Variants in CRPPA observed in about 807,000 individuals in gnomAD.
CRPPA encodes the protein D-ribitol-5-phosphate cytidylyltransferase.
A neutral mutation model predicts 52.0 loss-of-function variants in CRPPA; 43 were observed. The observed-to-expected ratio is 0.83, with a 90% CI of 0.65 to 1.07. The LOEUF is 1.07. Ranked by LOEUF, CRPPA falls within the 50% of genes least tolerant of loss-of-function variation. The pLI, the probability that CRPPA is intolerant of heterozygous loss-of-function variation, is 0.00. For synonymous variants in CRPPA, 250 were observed against 203.5 expected (o/e 1.23, Z -1.94); for missense variants, 629 against 551.7 (o/e 1.14, Z -1.40).
chr7:16,304,263 C>T (rs971777073), intron 4 of CRPPA, among the ~76,000 whole-genome samples: 3 of 152,002 alleles, frequency 2.0e-5, no homozygotes, highest in Non-Finnish European at 2.9e-5. Flanking sequence ...CAGTGCTTAT[C>T]GCCCTGGTGG....
chr7:16,229,589 T>A (rs12112931), intron 8 of CRPPA, among the ~76,000 whole-genome samples: 1 of 152,090 alleles, frequency 6.6e-6, no homozygotes, highest in African/African-American at 2.4e-5. Context: ...ATGTCACAAT[T>A]TTCATATTGC....
chr7:16,419,942 G>T (rs77175467), intron 1 of CRPPA, among the ~76,000 whole-genome samples: 4,654 of 152,258 alleles, frequency 0.031, 139 homozygotes, highest in African/African-American at 0.073. Context: ...AGCCGACTCT[G>T]CGTGAATTAC....
chr7:16,141,464 T>C (rs1782869021), intron 9 of CRPPA, among the ~76,000 whole-genome samples: 1 of 152,198 alleles, frequency 6.6e-6, no homozygotes, highest in African/African-American at 2.4e-5. Flanking sequence ...AATTTTGATT[T>C]AGTGTTCAAC....
chr7:16,254,609 G>A (rs562120833), intron 8 of CRPPA, among the ~76,000 whole-genome samples: 194 of 151,840 alleles, frequency 1.3e-3, no homozygotes, highest in South Asian at 3.1e-3. Flanking sequence ...GAGTGGGCAG[G>A]GACAGCATTA....
intron 3 of CRPPA, among the ~76,000 whole-genome samples, chr7:16,344,418 A>AAAC (rs1785951921): frequency 6.6e-6 from 1 of 151,240 alleles, no homozygotes; most frequent in Admixed American, 6.6e-5. Flanking sequence ...AAAAAAAAAA[A>AAAC]AAAAAAAATT....
intron 1 of CRPPA, among the ~76,000 whole-genome samples, chr7:16,407,743 A>G (rs924180401): frequency 2.0e-4 from 31 of 152,140 alleles, no homozygotes; most frequent in Non-Finnish European, 2.5e-4. Context: ...CAAAACCAAG[A>G]GCTACTTTAT....
chr7:16,341,046 C>G (rs944145267), intron 3 of CRPPA, among the ~76,000 whole-genome samples: 1 of 152,044 alleles, frequency 6.6e-6, no homozygotes, highest in Non-Finnish European at 1.5e-5. Context: ...TCTGTAAAGG[C>G]AAGCTACGGA....
At chr7:16,163,520 A>C (rs1780966773) in intron 9 of CRPPA, among the ~76,000 whole-genome samples, 1 of 151,996 alleles carries the variant, frequency 6.6e-6, no homozygotes, top group Admixed American at 6.6e-5. Context: ...TTTACATTTA[A>C]GGTTAATATT....
chr7:16,100,350 C>T (rs1782019643), intron 9 of CRPPA, among the ~76,000 whole-genome samples: 1 of 152,080 alleles, frequency 6.6e-6, no homozygotes, highest in African/African-American at 2.4e-5. Context: ...ATTTGGTTTG[C>T]AATCTACAGG....
At chr7:16,282,027 A>C (rs1784331372) in intron 5 of CRPPA, among the ~76,000 whole-genome samples, 1 of 151,948 alleles carries the variant, frequency 6.6e-6, no homozygotes, top group Non-Finnish European at 1.5e-5. Flanking sequence ...TCTGTCTTAT[A>C]TGTTTGTTTT....
At chr7:16,171,891 T>C (rs546175295) in intron 9 of CRPPA, among the ~76,000 whole-genome samples, 7 of 152,358 alleles carry the variant, frequency 4.6e-5, no homozygotes, top group Admixed American at 4.6e-4. Flanking sequence ...ACTTGCTCAC[T>C]GATATCCCTC....
intron 9 of CRPPA, among the ~76,000 whole-genome samples, chr7:16,161,774 TTGTACCCC>T (rs1463432506): frequency 6.6e-6 from 1 of 152,170 alleles, no homozygotes; most frequent in African/African-American, 2.4e-5. Context: ...CAGCTCCTAT[TTGTACCCC>T]TGGTAGAAAT....
At chr7:16,102,766 C>T (rs1312628985) in intron 9 of CRPPA, among the ~76,000 whole-genome samples, 10 of 152,106 alleles carry the variant, frequency 6.6e-5, no homozygotes, top group East Asian at 1.9e-4. Flanking sequence ...TGCCATCTCA[C>T]GCCAGTTAGA....
intron 3 of CRPPA, among the ~76,000 whole-genome samples, chr7:16,365,844 C>G (rs1315508877): frequency 6.6e-6 from 1 of 151,780 alleles, no homozygotes; most frequent in Non-Finnish European, 1.5e-5. Flanking sequence ...ATGTGTAAGA[C>G]CAAGAAAAAA....
chr7:16,292,221 T>C (rs1169134464), intron 5 of CRPPA, among the ~76,000 whole-genome samples: 1 of 151,960 alleles, frequency 6.6e-6, no homozygotes, highest in African/African-American at 2.4e-5. Flanking sequence ...TTTTGGCTGC[T>C]TCACTGGTCC....
chr7:16,380,959 T>G (rs1263645154), intron 2 of CRPPA, among the ~76,000 whole-genome samples: 1 of 151,840 alleles, frequency 6.6e-6, no homozygotes, highest in African/African-American at 2.4e-5. Context: ...ATTCATTAAT[T>G]TTTTGAAGGG....
intron 2 of CRPPA, among the ~76,000 whole-genome samples, chr7:16,394,773 A>C (rs945837334): frequency 6.6e-6 from 1 of 152,148 alleles, no homozygotes; most frequent in Admixed American, 6.6e-5. Flanking sequence ...CAACAAGAAG[A>C]GAGATCAAAG....
chr7:16,421,026 G>C, intron 1 of CRPPA, 40 bp downstream of exon 1: 1 of 1,263,732 alleles, frequency 7.9e-7, no homozygotes. Context: ...CGGGAGGCCG[G>C]GCCCCAGGGA....
chr7:16,308,039 G>T (rs1051955634), intron 4 of CRPPA, among the ~76,000 whole-genome samples: 2 of 152,064 alleles, frequency 1.3e-5, no homozygotes, highest in African/African-American at 4.8e-5. Flanking sequence ...GATCGTGGGG[G>T]CAGATTTCCG....
Sources: allele counts gnomAD v4.1 joint callset (sites outside exome capture counted in the v4.1 genomes callset), GRCh38; gene constraint gnomAD v4.1.1; transcripts MANE v1.5; gene names NCBI Gene and HGNC (gene_info 2026-07-23, HGNC 2026-07-21).